The following TNRC6B variants were observed in gnomAD, a reference collection of about 807,000 sequenced individuals.
The protein encoded by TNRC6B is trinucleotide repeat-containing gene 6B protein.
TNRC6B carries 52 observed loss-of-function variants against 203.6 expected under a neutral mutation model. The observed-to-expected ratio is 0.26, with a 90% CI of 0.20 to 0.32. TNRC6B has a LOEUF of 0.32. Among genes scored for constraint, TNRC6B ranks in the 10% least tolerant of loss-of-function variants. The pLI, the probability that TNRC6B is intolerant of heterozygous loss-of-function variation, is 1.00. For missense variants in TNRC6B, 1,923 were observed against 2,286.2 expected, an observed-to-expected ratio of 0.84 and a Z score of 3.24; for synonymous variants, 838 against 845.7, an observed-to-expected ratio of 0.99 and a Z score of 0.16.
chr22:40,233,875 G>C (rs1322437810), intron 1 of TNRC6B, among the ~76,000 whole-genome samples: 1 of 152,146 alleles, frequency 6.6e-6, no homozygotes, highest in East Asian at 1.9e-4. Flanking sequence ...TTCATTTGCT[G>C]TCATCCAGCT....
At chr22:40,322,392 T>A (rs2071345786) in intron 22 of TNRC6B, among the ~76,000 whole-genome samples, 1 of 152,148 alleles carries the variant, frequency 6.6e-6, no homozygotes, top group Non-Finnish European at 1.5e-5. Flanking sequence ...TACATTAGAG[T>A]TCACTCGGCC....
chr22:40,297,879 T>C (rs2146543823), intron 12 of TNRC6B, among the ~76,000 whole-genome samples: 1 of 150,732 alleles, frequency 6.6e-6, no homozygotes, highest in African/African-American at 2.4e-5. Flanking sequence ...TCCCAGCACT[T>C]TGGGAGACCG....
At position 40,309,034 on chromosome 22, in the gene TNRC6B, T is replaced by G. The variant is rs1188017731; in HGVS notation, c.4258+385T>G. On this transcript the variant is annotated intron_variant, in intron 16 of 22. Transcript: ENST00000454349. ...ATAAATTTATCGGCTTTAAAAAATT[T>G]TCCTGCCTTTTAATCTCCAAAAGAG... 2.0e-5 allele frequency among the ~76,000 whole-genome samples: 3 copies of G among 152,360 alleles called. No individual in the cohort carries two copies. In the East Asian group the frequency reaches 5.8e-4, roughly 29 times the overall value.
At chr22:40,110,579 G>A (rs1370144591) in intron 1 of TNRC6B, among the ~76,000 whole-genome samples, 1 of 152,224 alleles carries the variant, frequency 6.6e-6, no homozygotes, top group Non-Finnish European at 1.5e-5. Context: ...GGCCAGGCTG[G>A]AGGGCATAAA....
chr22:40,197,599 T>C (rs1046156610), intron 1 of TNRC6B, among the ~76,000 whole-genome samples: 1 of 140,510 alleles, frequency 7.1e-6, no homozygotes, highest in Non-Finnish European at 1.5e-5. Flanking sequence ...AAGGCGTTTT[T>C]CTTTTTCTTT....
intron 1 of TNRC6B, among the ~76,000 whole-genome samples, chr22:40,232,493 C>T (rs1569031040): frequency 6.6e-6 from 1 of 152,150 alleles, no homozygotes; most frequent in Non-Finnish European, 1.5e-5. Flanking sequence ...AGACATTTCT[C>T]AAGGCACTAT....
At chr22:40,304,149 C>G (rs530317963) in intron 15 of TNRC6B, among the ~76,000 whole-genome samples, 123 of 152,188 alleles carry the variant, frequency 8.1e-4, no homozygotes, top group Non-Finnish European at 1.4e-3. Flanking sequence ...AAGGATACCT[C>G]TAAGTGAAAG....
At chr22:40,111,270 G>A (rs758990269) in intron 1 of TNRC6B, among the ~76,000 whole-genome samples, 1 of 152,216 alleles carries the variant, frequency 6.6e-6, no homozygotes, top group African/African-American at 2.4e-5. Flanking sequence ...CTTTGGAGGC[G>A]AAGGCAGTGG....
At chr22:40,281,813 G>A (rs1423486261) in intron 11 of TNRC6B, among the ~76,000 whole-genome samples, 1 of 152,194 alleles carries the variant, frequency 6.6e-6, no homozygotes, top group Non-Finnish European at 1.5e-5. Context: ...GAAGCTTTGG[G>A]AAGAATGGGT....
At chr22:40,309,419 C>T (rs2071140510) in intron 16 of TNRC6B, among the ~76,000 whole-genome samples, 1 of 152,254 alleles carries the variant, frequency 6.6e-6, no homozygotes, top group Non-Finnish European at 1.5e-5. Flanking sequence ...TTTCAGGTTT[C>T]CTTTATAAAC....
chr22:40,266,476 G>T lies in TNRC6B; in HGVS notation c.2246G>T (p.Trp749Leu). The T allele has an allele frequency of 6.2e-7, 1 of 1,613,772 alleles. No homozygotes were observed. Among genetic ancestry groups the T allele is most frequent in the South Asian group, 1.1e-5 (1 of 91,048 alleles). The change falls in exon 5 of 23, where the codon TGG becomes TTG. Residue 749 changes from tryptophan to leucine, a missense_variant. By Grantham distance (61) the Trp-to-Leu change is moderately conservative. Transcript: ENST00000454349. ...GGATGGTCTTCTGGAAAGAATGGTT[G>T]GGGGGAGGAAGTCGATCAGACAAAA... ...NQGWSSGKNG[W>L]GEEVDQTKNS...
intron 1 of TNRC6B, among the ~76,000 whole-genome samples, chr22:40,215,104 CTT>C (rs1787218726): frequency 6.6e-6 from 1 of 151,454 alleles, no homozygotes; most frequent in African/African-American, 2.4e-5. Flanking sequence ...AAGGATGTAT[CTT>C]AACAATTCAT....
At chr22:40,255,681 C>G (rs2070264790) in intron 3 of TNRC6B, among the ~76,000 whole-genome samples, 1 of 152,180 alleles carries the variant, frequency 6.6e-6, no homozygotes, top group Non-Finnish European at 1.5e-5. Context: ...GATTAGGAGG[C>G]CAGGTGTTTA....
At chr22:40,099,470 G>C (rs1056253785) in intron 1 of TNRC6B, among the ~76,000 whole-genome samples, 1 of 151,906 alleles carries the variant, frequency 6.6e-6, no homozygotes, top group Admixed American at 6.6e-5. Flanking sequence ...TTAGTACAGC[G>C]GTCCTCCATA....
chr22:40,145,454 T>G (rs2068685908), intron 3 of TNRC6B, among the ~76,000 whole-genome samples: 1 of 152,210 alleles, frequency 6.6e-6, no homozygotes, highest in Non-Finnish European at 1.5e-5. Flanking sequence ...TATATACATT[T>G]TCTTTTTAAC....
chr22:40,110,146 A>T (rs894066505), intron 1 of TNRC6B, among the ~76,000 whole-genome samples: 1 of 152,224 alleles, frequency 6.6e-6, no homozygotes, highest in Non-Finnish European at 1.5e-5. Context: ...CTGCTTAATT[A>T]TTTCTTTTAA....
At chr22:40,184,331 T>G (rs2069174702) in intron 1 of TNRC6B, among the ~76,000 whole-genome samples, 1 of 152,094 alleles carries the variant, frequency 6.6e-6, no homozygotes, top group South Asian at 2.1e-4. Flanking sequence ...CCTAGAGAGA[T>G]AACAGCTTCT....
At chr22:40,161,163 T>G (rs1204364578) in intron 4 of TNRC6B, among the ~76,000 whole-genome samples, 1 of 152,228 alleles carries the variant, frequency 6.6e-6, no homozygotes, top group African/African-American at 2.4e-5. Context: ...CTTTCATGTT[T>G]TATGCTTGCC....
In TNRC6B at chr22:40,265,156, C is replaced by T; in HGVS notation, c.926C>T (p.Ser309Phe). The change falls in exon 5 of 23, where the codon TCT becomes TTT. Residue 309 changes from serine to phenylalanine, a missense_variant. By Grantham distance (155) the Ser-to-Phe change is radical. Transcript: ENST00000454349. ...AACTTTAACCCAAATAGCAACCCAT[C>T]TGCCTGGCCAGCACTGGTCCAAGAA... ...FSNFNPNSNP[S>F]AWPALVQEGT... 2 of 1,614,054 alleles carry T rather than the reference C, an allele frequency of 1.2e-6. No homozygotes were observed. The highest frequency in any genetic ancestry group is 1.1e-5 in the South Asian group (1 of 91,076).
Sources: gnomAD v4.1 joint callset for allele counts (sites outside exome capture counted in the v4.1 genomes callset) on GRCh38, gnomAD v4.1.1 for gene constraint, MANE v1.5 for transcripts, NCBI Gene and HGNC (gene_info 2026-07-23, HGNC 2026-07-21) for gene names.